ATXN10: variants seen among roughly 807,000 people sequenced by gnomAD.
ATXN10 encodes ataxin 10.
In ATXN10, 28 loss-of-function variants were observed where a neutral mutation model predicts 52.9. The ratio of observed to expected loss-of-function variants is 0.53; its 90% CI spans 0.39 to 0.73. The LOEUF (loss-of-function observed/expected upper bound fraction) is 0.73, where lower values mean the gene tolerates loss of function less well. ATXN10 is among the 30% of genes least tolerant of loss of function. The pLI is 0.00. For synonymous variants in ATXN10, 226 were observed against 221.5 expected, an observed-to-expected ratio of 1.02 and a Z score of -0.18; for missense variants, 565 against 577.0, an observed-to-expected ratio of 0.98 and a Z score of 0.21.
chr22:45,811,649 A>G (rs1349706102), intron 10 of ATXN10: 8 of 460,640 alleles, frequency 1.7e-5, no homozygotes, highest in Non-Finnish European at 3.6e-5. Context: ...CTAGAATGTG[A>G]GTACATTCTG....
At chr22:45,749,171 C>T (rs1192551839) in intron 9 of ATXN10, among the ~76,000 whole-genome samples, 2 of 152,168 alleles carry the variant, frequency 1.3e-5, no homozygotes, top group Non-Finnish European at 2.9e-5. Context: ...ATATTCCTCC[C>T]TAGGCTTTAA....
chr22:45,791,180 T>C (rs1867267844), intron 9 of ATXN10, among the ~76,000 whole-genome samples: 1 of 152,238 alleles, frequency 6.6e-6, no homozygotes, highest in Non-Finnish European at 1.5e-5. Flanking sequence ...ATTGCTTTAG[T>C]TTGTTTTTAT....
rs1922506621 is a variant in ATXN10 at position 45,672,545 on chromosome 22, G to C, written c.116+366G>C. 3.9e-5 allele frequency: 6 copies of C among 154,554 alleles called. No individual in the cohort carries two copies. The Admixed American group carries it at 3.9e-4, about 10-fold the overall frequency. The allele number at this position is 154,554 out of a possible 1,614,324, so 9.6% of individuals were successfully genotyped here. ...GGCTGCAAGACCCACGCGGCCCCCAGAGTCATAAAGCGTGTGTTTTAGCGG... is the reference window on the plus strand; with the variant it reads ...GGCTGCAAGACCCACGCGGCCCCCACAGTCATAAAGCGTGTGTTTTAGCGG... On this transcript the variant is annotated intron_variant, in intron 1 of 11. Transcript: ENST00000252934.
rs556639092 is a variant in ATXN10, at chr22:45,835,949, C to G, written c.1238-7042C>G. ...ATTTTTAAATGCTATTAAGGCATAA[C>G]AGGCTACGAAACATAGAACAGTACA... On this transcript the variant is annotated intron_variant, in intron 10 of 11. Coordinates refer to ENST00000252934, the MANE Select transcript of ATXN10 (RefSeq NM_013236.4). The surrounding 1 kb of genome is among the most constrained non-coding windows in gnomAD (Gnocchi z 5.0). 2.0e-5 allele frequency among the ~76,000 whole-genome samples: 3 copies of G among 152,222 alleles called. No individual in the cohort carries two copies. The South Asian group carries it at 6.2e-4, about 32-fold the overall frequency.
chr22:45,763,701 A>G lies in ATXN10; in HGVS notation c.1173+23163A>G, dbSNP rs896032292. Among the ~76,000 whole-genome samples, 1 of 152,130 alleles carries G rather than the reference A, an allele frequency of 6.6e-6. No homozygotes were observed. The highest frequency in any genetic ancestry group is 2.4e-5 in the African/African-American group (1 of 41,424). Reference sequence around the variant, plus strand: ...AGACTGTCTTCATATGCATGCATTTACAGGCACATTTGTGGTTGGTTTTGT... The same window carrying G: ...AGACTGTCTTCATATGCATGCATTTGCAGGCACATTTGTGGTTGGTTTTGT... On this transcript the variant is annotated intron_variant, in intron 9 of 11. Coordinates refer to ENST00000252934, the MANE Select transcript of ATXN10 (RefSeq NM_013236.4). This position sits in a 1 kb window ranked among gnomAD's most constrained non-coding sequence, Gnocchi z 6.9.
In ATXN10 at chr22:45,754,628, G is replaced by A. The variant is rs982425227; in HGVS notation, c.1173+14090G>A. ...AGCACTTTGGGAGGCCGAGGCCAGC[G>A]GATCACCTGAGGTCAGGAGTTCGAG... On this transcript the variant is annotated intron_variant, in intron 9 of 11. Transcript: ENST00000252934. This position sits in a 1 kb window ranked among gnomAD's most constrained non-coding sequence, Gnocchi z 5.4. Among the ~76,000 whole-genome samples the A allele has an allele frequency of 6.6e-6, 1 of 152,146 alleles. No individual in the cohort carries two copies. Among genetic ancestry groups the A allele is most frequent in the Non-Finnish European group, 1.5e-5 (1 of 68,032 alleles).
In ATXN10 at chr22:45,837,605, G is replaced by C. The variant is rs182583699; in HGVS notation, c.1238-5386G>C. Among the ~76,000 whole-genome samples the C allele has an allele frequency of 6.6e-6, 1 of 152,330 alleles. No individual in the cohort carries two copies. The highest frequency in any genetic ancestry group is 1.9e-4 in the East Asian group (1 of 5,180). On this transcript the variant is annotated intron_variant, in intron 10 of 11. Transcript: ENST00000252934. This position sits in a 1 kb window ranked among gnomAD's most constrained non-coding sequence, Gnocchi z 5.8. ...ACAAATATCCATTAGTGCTTCCCATGTTCTAGGCCGGAAGTTGGCACACCT... is the reference window on the plus strand; with the variant it reads ...ACAAATATCCATTAGTGCTTCCCATCTTCTAGGCCGGAAGTTGGCACACCT...
Position 45,795,227 on chromosome 22 carries a change from T to C in ATXN10, c.1174-11732T>C, listed in dbSNP as rs1927667081. Among the ~76,000 whole-genome samples, 1 of 152,280 alleles carries C rather than the reference T, an allele frequency of 6.6e-6. No individual in the cohort carries two copies. The highest frequency in any genetic ancestry group is 3.4e-3 in the Middle Eastern group (1 of 294). ...AAAAATGCTCAGTCTCAAAAGAGTC[T>C]GGAAAATAAGAACAAAGAATAGTGA... is the stretch of plus-strand genomic sequence containing the variant. On this transcript the variant is annotated intron_variant, in intron 9 of 11. Transcript: ENST00000252934. This position sits in a 1 kb window ranked among gnomAD's most constrained non-coding sequence, Gnocchi z 4.6.
In ATXN10 at chr22:45,824,477, T is replaced by C. The variant is rs1024626154; in HGVS notation, c.1237+17455T>C. Among the ~76,000 whole-genome samples, 2 of 152,212 alleles carry C rather than the reference T, an allele frequency of 1.3e-5. No individual in the cohort carries two copies. The highest frequency in any genetic ancestry group is 4.8e-5 in the African/African-American group (2 of 41,454). ...ACTAAATTGATATTTAGAGTAAACA[T>C]AGGCACCATCTCTGCTGTGTCCCCC... On this transcript the variant is annotated intron_variant, in intron 10 of 11. Coordinates refer to ENST00000252934, the MANE Select transcript of ATXN10 (RefSeq NM_013236.4). The surrounding 1 kb of genome is among the most constrained non-coding windows in gnomAD (Gnocchi z 5.2).
intron 10 of ATXN10, among the ~76,000 whole-genome samples, chr22:45,831,275 T>C (rs1226752472): frequency 1.3e-5 from 2 of 152,148 alleles, no homozygotes; most frequent in Non-Finnish European, 2.9e-5. Context: ...ATGGTGGTGA[T>C]AGACACACAA....
At position 45,786,567 on chromosome 22, in the gene ATXN10, C is replaced by T. The variant is rs1927330793; in HGVS notation, c.1174-20392C>T. 6.6e-6 allele frequency among the ~76,000 whole-genome samples: 1 copy of T among 152,236 alleles called. No individual in the cohort carries two copies. Among genetic ancestry groups the T allele is most frequent in the Admixed American group, 6.5e-5 (1 of 15,286 alleles). On this transcript the variant is annotated intron_variant, in intron 9 of 11. Coordinates refer to ENST00000252934, the MANE Select transcript of ATXN10 (RefSeq NM_013236.4). This position sits in a 1 kb window ranked among gnomAD's most constrained non-coding sequence, Gnocchi z 4.1. ...CGGAAGGATTGTTGGTTCTTCCTTA[C>T]TTAGGTCTCGTACCCACTCCAAGTG...
rs557939720 is a variant in ATXN10 at position 45,810,194 on chromosome 22, C to T, written c.1237+3172C>T. Reference sequence around the variant, plus strand: ...AAGAACATGTGTTTGTTCACTGTAGCGCCACCTTTATCAGAAGAATTGATA... The same window carrying T: ...AAGAACATGTGTTTGTTCACTGTAGTGCCACCTTTATCAGAAGAATTGATA... On this transcript the variant is annotated intron_variant, in intron 10 of 11. Coordinates refer to ENST00000252934, the MANE Select transcript of ATXN10 (RefSeq NM_013236.4). Among the ~76,000 whole-genome samples, 34 of 152,286 alleles carry T rather than the reference C, an allele frequency of 2.2e-4. 1 individual carries two copies. Among genetic ancestry groups the T allele is most frequent in the Admixed American group, 8.5e-4 (13 of 15,300 alleles).
At chr22:45,829,512 T>G (rs1928921710) in intron 10 of ATXN10, among the ~76,000 whole-genome samples, 1 of 152,164 alleles carries the variant, frequency 6.6e-6, no homozygotes, top group Admixed American at 6.5e-5. Context: ...CCATTAAAAC[T>G]CATGTTTTAA....
rs764350547 is a variant in ATXN10 at position 45,806,995 on chromosome 22, A to G, written c.1210A>G (p.Asn404Asp). ...GGATGGTATCCCGTTGATCCTGGACAACTGCAACATCAGTGACAGTAACCC... is the reference window on the plus strand; with the variant it reads ...GGATGGTATCCCGTTGATCCTGGACGACTGCAACATCAGTGACAGTAACCC... ...ELDGIPLILDNCNISDSNPFL... is the reference protein window; with the variant it reads ...ELDGIPLILDDCNISDSNPFL... Residue 404 changes from asparagine (N) to aspartate (D), a missense_variant, in exon 10 of 12, where the codon AAC becomes GAC. By Grantham distance (23) the Asn-to-Asp change is conservative. Coordinates refer to ENST00000252934, the MANE Select transcript of ATXN10 (RefSeq NM_013236.4). 27 of 1,614,000 alleles carry G rather than the reference A, an allele frequency of 1.7e-5. No individual in the cohort carries two copies. The highest frequency in any genetic ancestry group is 2.1e-5 in the Non-Finnish European group (25 of 1,179,974).
rs73444643 is a variant in ATXN10 at position 45,762,276 on chromosome 22, C to T, written c.1173+21738C>T. ...TTTCTTTCTGGAGGCGCAGGGACCT[C>T]GGCTTATTTTTCTCTGTCTTTGCAT... On this transcript the variant is annotated intron_variant, in intron 9 of 11. Transcript: ENST00000252934. The surrounding 1 kb of genome is among the most constrained non-coding windows in gnomAD (Gnocchi z 4.3). 0.011 allele frequency among the ~76,000 whole-genome samples: 1,727 copies of T among 152,262 alleles called. 39 individuals carry two copies. The highest frequency in any genetic ancestry group is 0.04 in the African/African-American group (1,647 of 41,550).
intron 6 of ATXN10, among the ~76,000 whole-genome samples, chr22:45,720,916 C>G (rs1341706427): frequency 6.6e-6 from 1 of 152,096 alleles, no homozygotes; most frequent in Non-Finnish European, 1.5e-5. Context: ...CTGTGTTATC[C>G]CATGGTGGGA....
At chr22:45,717,983 A>G (rs943055985) in intron 5 of ATXN10, among the ~76,000 whole-genome samples, 2 of 152,182 alleles carry the variant, frequency 1.3e-5, no homozygotes, top group Non-Finnish European at 2.9e-5. Flanking sequence ...ATTCTTAAAG[A>G]GTGAATAATC....
rs1214471306 is a variant in ATXN10, at chr22:45,842,305, G to A, written c.1238-686G>A. 3.3e-5 allele frequency among the ~76,000 whole-genome samples: 5 copies of A among 152,234 alleles called. 1 individual carries two copies. In the South Asian group the frequency reaches 8.3e-4, roughly 25 times the overall value. On this transcript the variant is annotated intron_variant, in intron 10 of 11. Coordinates refer to ENST00000252934, the MANE Select transcript of ATXN10 (RefSeq NM_013236.4). This position sits in a 1 kb window ranked among gnomAD's most constrained non-coding sequence, Gnocchi z 4.8. Reference sequence around the variant, plus strand: ...ATGTGGCGATGCTATCCCAGTCTTCGTAGGTTGTCTCTGGTCTCCTGCCAA... The same window carrying A: ...ATGTGGCGATGCTATCCCAGTCTTCATAGGTTGTCTCTGGTCTCCTGCCAA...
intron 9 of ATXN10, among the ~76,000 whole-genome samples, chr22:45,748,323 A>G (rs961505012): frequency 6.6e-6 from 1 of 152,234 alleles, no homozygotes; most frequent in African/African-American, 2.4e-5. Flanking sequence ...ATGTATTTAC[A>G]TAGAAATTTG....
Sources: allele counts gnomAD v4.1 joint callset (sites outside exome capture counted in the v4.1 genomes callset), GRCh38; gene constraint gnomAD v4.1.1; non-coding constraint Gnocchi (gnomAD v3.1); transcripts MANE v1.5; gene names NCBI Gene and HGNC (gene_info 2026-07-23, HGNC 2026-07-21).